Variants in BICDL1 observed in about 807,000 individuals in gnomAD.
BICDL1 encodes the protein BICD family like cargo adaptor 1, also known as BICD family-like cargo adapter 1.
In BICDL1, 20 loss-of-function variants were observed where a neutral mutation model predicts 76.8. The ratio of observed to expected loss-of-function variants is 0.26; its 90% CI spans 0.18 to 0.38. The LOEUF (loss-of-function observed/expected upper bound fraction) is 0.38. BICDL1 is among the 10% of genes least tolerant of loss of function. The probability of loss-of-function intolerance (pLI) is 1.00; values close to 1 mark genes in which losing one functional copy is unlikely to be tolerated. For synonymous variants in BICDL1, 383 were observed against 337.1 expected (o/e 1.14, Z -1.49); for missense variants, 700 against 798.6 (o/e 0.88, Z 1.49).
chr12:120,033,367 C>CTTTTTTTTTTTTTGTTTTTTTT (rs1952463874), intron 2 of BICDL1, among the ~76,000 whole-genome samples: 1 of 77,624 alleles, frequency 1.3e-5, no homozygotes, highest in African/African-American at 7.9e-5. Context: ...GAGTTCTTGC[C>CTTTTTTTTTTTTTGTTTTTTTT]TTTTTTTTTT....
intron 2 of BICDL1, among the ~76,000 whole-genome samples, chr12:120,057,664 A>G (rs1953004885): frequency 6.6e-6 from 1 of 152,086 alleles, no homozygotes; most frequent in South Asian, 2.1e-4. Context: ...TAGGTTTATA[A>G]CTCAGATTAT....
chr12:120,057,581 G>A (rs538659465), intron 2 of BICDL1, among the ~76,000 whole-genome samples: 43 of 152,232 alleles, frequency 2.8e-4, no homozygotes, highest in Non-Finnish European at 5.4e-4. Context: ...AGTCCAAGGT[G>A]TGAACCAGAT....
At chr12:120,055,450 G>C (rs901348966) in intron 2 of BICDL1, among the ~76,000 whole-genome samples, 3 of 152,170 alleles carry the variant, frequency 2.0e-5, no homozygotes, top group African/African-American at 7.2e-5. Context: ...GTTCAGTGGG[G>C]AGGAAGTAAT....
intron 1 of BICDL1, among the ~76,000 whole-genome samples, chr12:119,998,045 CG>C (rs1951686613): frequency 6.6e-6 from 1 of 152,044 alleles, no homozygotes; most frequent in Non-Finnish European, 1.5e-5. Flanking sequence ...ACCTGAGAGG[CG>C]GAGGTTGTGG....
chr12:120,028,748 T>G (rs987700692), intron 2 of BICDL1, among the ~76,000 whole-genome samples: 1 of 152,148 alleles, frequency 6.6e-6, no homozygotes, highest in Non-Finnish European at 1.5e-5. Context: ...TGTTGTACAC[T>G]TGTAGTCCCA....
intron 2 of BICDL1, among the ~76,000 whole-genome samples, chr12:120,014,302 T>G (rs904646780): frequency 7.9e-5 from 12 of 152,200 alleles, no homozygotes; most frequent in African/African-American, 2.9e-4. Flanking sequence ...AGTATTTGAA[T>G]TATTCCTCAA....
chr12:120,039,513 C>T (rs1241290629), intron 2 of BICDL1, among the ~76,000 whole-genome samples: 5 of 150,154 alleles, frequency 3.3e-5, no homozygotes, highest in Admixed American at 1.3e-4. Context: ...TGGTGCATGC[C>T]GGTAATCCCA....
Position 120,079,266 on chromosome 12 carries a change from T to C in BICDL1, c.1453-1621T>C, listed in dbSNP as rs1873791725. 6.6e-6 allele frequency among the ~76,000 whole-genome samples: 1 copy of C among 152,252 alleles called. No homozygotes were observed. Among genetic ancestry groups the C allele is most frequent in the Non-Finnish European group, 1.5e-5 (1 of 68,040 alleles). On this transcript the variant is annotated intron_variant, in intron 7 of 9. Coordinates refer to ENST00000548673, the MANE Select transcript of BICDL1 (RefSeq NM_001367886.1). The surrounding 1 kb of genome is among the most constrained non-coding windows in gnomAD (Gnocchi z 4.3). ...GTCCTCTGAATTCCTCCAGAGTGGC[T>C]GCTACCCCAGGGGCTGGCAGCTCTG...
chr12:119,998,072 C>T (rs565466269), intron 1 of BICDL1, among the ~76,000 whole-genome samples: 1 of 152,090 alleles, frequency 6.6e-6, no homozygotes, highest in Non-Finnish European at 1.5e-5. Flanking sequence ...CAAGATCACA[C>T]CACTGCATTC....
intron 2 of BICDL1, among the ~76,000 whole-genome samples, chr12:120,037,291 C>T (rs537815352): frequency 6.6e-6 from 1 of 152,048 alleles, no homozygotes; most frequent in African/African-American, 2.4e-5. Context: ...TCTAAAGTAC[C>T]TTCTCTCTCA....
chr12:120,029,762 A>G (rs1255758492), intron 2 of BICDL1, among the ~76,000 whole-genome samples: 1 of 142,442 alleles, frequency 7.0e-6, no homozygotes, highest in Non-Finnish European at 1.5e-5. Flanking sequence ...TCAAGTAATT[A>G]TCCTGCCTCA....
intron 2 of BICDL1, among the ~76,000 whole-genome samples, chr12:120,027,092 G>A (rs1234079146): frequency 2.1e-5 from 3 of 145,128 alleles, no homozygotes; most frequent in Non-Finnish European, 3.0e-5. Context: ...GTGCAATGGC[G>A]CAATCTCGGC....
rs190185235 is a variant in BICDL1, at chr12:120,092,336, G to A, written c.1705-664G>A. The A allele has an allele frequency of 5.7e-3, 5,641 of 985,470 alleles. 16 individuals carry two copies. The highest frequency in any genetic ancestry group is 0.013 in the Middle Eastern group (24 of 1,914). The allele number at this position is 985,470 out of a possible 1,614,324, so 61.0% of individuals were successfully genotyped here. A position where few individuals can be genotyped will look rare whatever the true frequency, so the allele number is the denominator to read the frequency against. On this transcript the variant is annotated intron_variant, in intron 9 of 9. Coordinates refer to ENST00000548673, the MANE Select transcript of BICDL1 (RefSeq NM_001367886.1). Reference sequence around the variant, plus strand: ...TTGGGGGACGGTCCTACCCCAGTGAGGAAGCTGAAAGAAATGGGCCTGATT... The same window carrying A: ...TTGGGGGACGGTCCTACCCCAGTGAAGAAGCTGAAAGAAATGGGCCTGATT...
chr12:120,085,661 A>C (rs1452322741), intron 8 of BICDL1, among the ~76,000 whole-genome samples: 1 of 151,808 alleles, frequency 6.6e-6, no homozygotes, highest in Non-Finnish European at 1.5e-5. Flanking sequence ...AATACAAATA[A>C]AAAATTAGCT....
chr12:120,085,618 T>C (rs1874344998), intron 8 of BICDL1, among the ~76,000 whole-genome samples: 1 of 151,938 alleles, frequency 6.6e-6, no homozygotes, highest in Admixed American at 6.6e-5. Flanking sequence ...AAGACCAGCC[T>C]GGGGAACATA....
intron 2 of BICDL1, among the ~76,000 whole-genome samples, chr12:120,051,108 C>T (rs1471782827): frequency 6.6e-6 from 1 of 151,556 alleles, no homozygotes; most frequent in Non-Finnish European, 1.5e-5. Context: ...AGTGCAATGG[C>T]GTGATCCCGG....
chr12:120,034,544 G>T (rs1243205440), intron 2 of BICDL1, among the ~76,000 whole-genome samples: 2 of 152,134 alleles, frequency 1.3e-5, no homozygotes, highest in African/African-American at 4.8e-5. Flanking sequence ...TCCCTTATTG[G>T]GATTTGGCTT....
chr12:120,080,763 C>G, intron 7 of BICDL1, 124 bp from the exon 8 acceptor site: 1 of 987,748 alleles, frequency 1.0e-6, no homozygotes, highest in Non-Finnish European at 1.4e-6. Flanking sequence ...CAGTGGAATG[C>G]TACCAGCTTG....
intron 2 of BICDL1, among the ~76,000 whole-genome samples, chr12:120,003,583 A>G (rs1221344334): frequency 6.6e-6 from 1 of 152,216 alleles, no homozygotes; most frequent in Non-Finnish European, 1.5e-5. Context: ...TTGACAGGCA[A>G]CCTATAGCTA....
Sources: allele counts gnomAD v4.1 joint callset (sites outside exome capture counted in the v4.1 genomes callset), GRCh38; gene constraint gnomAD v4.1.1; non-coding constraint Gnocchi (gnomAD v3.1); transcripts MANE v1.5; gene names NCBI Gene and HGNC (gene_info 2026-07-23, HGNC 2026-07-21).